POU4F1: variants seen among roughly 807,000 people sequenced by gnomAD.
The protein encoded by POU4F1 is POU class 4 homeobox 1, also known as POU domain, class 4, transcription factor 1.
A neutral mutation model predicts 19.8 loss-of-function variants in POU4F1; 5 were observed. The ratio of observed to expected loss-of-function variants is 0.25; its 90% CI spans 0.13 to 0.53. The LOEUF (loss-of-function observed/expected upper bound fraction) is 0.53, where lower values mean the gene tolerates loss of function less well. Ranked by LOEUF, POU4F1 falls within the 20% of genes least tolerant of loss-of-function variation. The pLI is 0.96. For synonymous variants in POU4F1, 266 were observed against 247.7 expected, an observed-to-expected ratio of 1.07 and a Z score of -0.69; for missense variants, 408 against 511.6, an observed-to-expected ratio of 0.80 and a Z score of 1.95.
chr13:78,599,548 G>T lies in POU4F1; in HGVS notation c.*1867C>A, dbSNP rs1276621636. ...GAAAGCTAGCCCAGTTTAGTGCTCA[G>T]TTTCAAATGCATAGAATGTTTGCCC... On this transcript the variant is annotated 3_prime_UTR_variant, in exon 2 of 2. Coordinates refer to ENST00000377208, the MANE Select transcript of POU4F1 (RefSeq NM_006237.4). 6.6e-6 allele frequency: 1 copy of T among 152,636 alleles called. No homozygotes were observed. Among genetic ancestry groups the T allele is most frequent in the Non-Finnish European group, 1.5e-5 (1 of 68,036 alleles). The allele number at this position is 152,636 out of a possible 1,614,324, so 9.5% of individuals were successfully genotyped here. A position where few individuals can be genotyped will look rare whatever the true frequency, so the allele number is the denominator to read the frequency against.
In POU4F1 at chr13:78,602,497, C is replaced by T. The variant is rs1287705991; in HGVS notation, c.178G>A (p.Ala60Thr). Residue 60 changes from alanine to threonine, a missense_variant, in exon 2 of 2, where the codon GCG (alanine) becomes ACG (threonine). Coordinates refer to ENST00000377208, the MANE Select transcript of POU4F1 (RefSeq NM_006237.4). The part of the protein sequence containing the change: ...LDETLLARAE[A>T]LAAVDIAVSQ... ...ACGGCGATGTCCACGGCCGCCAGCG[C>T]CTCGGCCCGCGCCAGCAGCGTCTCG... 1.9e-6 allele frequency: 3 copies of T among 1,594,018 alleles called. No homozygotes were observed. The highest frequency in any genetic ancestry group is 3.5e-5 in the Admixed American group (2 of 57,738).
chr13:78,602,321 G>T lies in POU4F1; in HGVS notation c.354C>A (p.Asp118Glu). The stretch of plus-strand genomic sequence containing the variant: ...GCGCGAGCGACGGCGAGGAGATGTG[G>T]TCCAGCAGATCGCCGGGTTCGAGCG... Reference protein sequence around the residue: ...HQALEPGDLLDHISSPSLALM... With the variant: ...HQALEPGDLLEHISSPSLALM... Residue 118 changes from aspartate to glutamate, a missense_variant, in exon 2 of 2, where the codon GAC (aspartate) becomes GAA (glutamate). Transcript: ENST00000377208. 1 of 1,425,356 alleles carries T rather than the reference G, an allele frequency of 7.0e-7. No homozygotes were observed. The allele number at this position is 1,425,356 out of a possible 1,614,324, so 88.3% of individuals were successfully genotyped here. A position where few individuals can be genotyped will look rare whatever the true frequency, so the allele number is the denominator to read the frequency against.
At position 78,601,284 on chromosome 13, in the gene POU4F1, C is replaced by A. The variant is rs1324814479; in HGVS notation, c.*131G>T. On this transcript the variant is annotated 3_prime_UTR_variant, in exon 2 of 2. Coordinates refer to ENST00000377208, the MANE Select transcript of POU4F1 (RefSeq NM_006237.4). ...CAGAGAATGGGTGGAGGAAAGAGAG[C>A]GAGAAGGGACTCCCCAAATGCAGGC... The A allele has an allele frequency of 2.1e-5, 30 of 1,412,718 alleles. No individual in the cohort carries two copies. In the East Asian group the frequency reaches 2.9e-4, roughly 14 times the overall value. The allele number at this position is 1,412,718 out of a possible 1,614,324, so 87.5% of individuals were successfully genotyped here.
rs544473525 is a variant in POU4F1, at chr13:78,601,678, G to A, written c.997C>T (p.Leu333Phe). The change falls in exon 2 of 2, where the codon CTC becomes TTC. Residue 333 changes from leucine (L) to phenylalanine (F), a missense_variant. By Grantham distance (22) the Leu-to-Phe change is conservative. Around this residue, in one of 4 missense-constraint regions of POU4F1, gnomAD observed 39 missense variants for 36.8 expected, o/e 1.06. Transcript: ENST00000377208. ...CGCTGGGCGCCCTCGGCCTCCTCGA[G>A]CCACGCCTGCAGGATGGGCTTGAGC... ...IALKPILQAW[L>F]EEAEGAQREK... The A allele has an allele frequency of 6.2e-7, 1 of 1,613,904 alleles. No individual in the cohort carries two copies. The highest frequency in any genetic ancestry group is 1.3e-5 in the African/African-American group (1 of 75,062).
In POU4F1 at chr13:78,599,781, G is replaced by C. The variant is rs1349898549; in HGVS notation, c.*1634C>G. The C allele has an allele frequency of 6.6e-6, 1 of 152,450 alleles. No individual in the cohort carries two copies. The highest frequency in any genetic ancestry group is 1.5e-5 in the Non-Finnish European group (1 of 68,024). 9.4% of individuals were successfully genotyped at this position (152,450 alleles called of 1,614,324 possible). A position where few individuals can be genotyped will look rare whatever the true frequency, so the allele number is the denominator to read the frequency against. On this transcript the variant is annotated 3_prime_UTR_variant, in exon 2 of 2. Transcript: ENST00000377208. ...ACCATCTCTACGAGAGATCCAAAGA[G>C]TATCTTGTACACAAAGCAGGCATTT...
rs1275375203 is a variant in POU4F1, at chr13:78,601,303, T to G, written c.*112A>C. 2.0e-6 allele frequency: 3 copies of G among 1,497,128 alleles called. No individual in the cohort carries two copies. Among genetic ancestry groups the G allele is most frequent in the Non-Finnish European group, 2.7e-6 (3 of 1,120,580 alleles). The allele number at this position is 1,497,128 out of a possible 1,614,324, so 92.7% of individuals were successfully genotyped here. On this transcript the variant is annotated 3_prime_UTR_variant, in exon 2 of 2. Coordinates refer to ENST00000377208, the MANE Select transcript of POU4F1 (RefSeq NM_006237.4). Reference sequence around the variant, plus strand: ...AGAGAGCGAGAAGGGACTCCCCAAATGCAGGCAGGATAACGGACACTCCAA... The same window carrying G: ...AGAGAGCGAGAAGGGACTCCCCAAAGGCAGGCAGGATAACGGACACTCCAA...
chr13:78,601,860 G>C lies in POU4F1; in HGVS notation c.815C>G (p.Ala272Gly), dbSNP rs1222706299. The C allele has an allele frequency of 6.3e-7, 1 of 1,599,324 alleles. No individual in the cohort carries two copies. The highest frequency in any genetic ancestry group is 1.1e-5 in the South Asian group (1 of 89,952). The stretch of plus-strand genomic sequence containing the variant: ...GATGCGCCGCTGCTTGAAGCGCTCC[G>C]CGAACGCCTCGAGCTCGCGCGGGTC... ...DTDPRELEAFAERFKQRRIKL... is the reference protein window; with the variant it reads ...DTDPRELEAFGERFKQRRIKL... Residue 272 changes from alanine (A) to glycine (G), a missense_variant, in exon 2 of 2, where the codon GCG (alanine) becomes GGG (glycine). Coordinates refer to ENST00000377208, the MANE Select transcript of POU4F1 (RefSeq NM_006237.4).
chr13:78,602,683 C>T, intron 1 of POU4F1, 132 bp from the exon 2 acceptor site: 1 of 1,043,828 alleles, frequency 9.6e-7, no homozygotes. Flanking sequence ...AAAATAACAA[C>T]GGGTTTGGGG....
intron 1 of POU4F1, 23 bp from the exon 2 acceptor site, chr13:78,602,574 CA>C (rs749531923): frequency 2.4e-5 from 34 of 1,423,242 alleles, no homozygotes; most frequent in South Asian, 3.0e-5. Context: ...CAAACCAAAC[CA>C]AAAAAACCAC....
In POU4F1 at chr13:78,603,450, C is replaced by T. The variant is rs1874795048; in HGVS notation, c.-124G>A. The T allele has an allele frequency of 7.7e-7, 1 of 1,302,944 alleles. No individual in the cohort carries two copies. Among genetic ancestry groups the T allele is most frequent in the African/African-American group, 1.6e-5 (1 of 64,164 alleles). The allele number at this position is 1,302,944 out of a possible 1,614,324, so 80.7% of individuals were successfully genotyped here. On this transcript the variant is annotated 5_prime_UTR_variant, in exon 1 of 2. Transcript: ENST00000377208. ...GCGGTCGCGGCGGCTGGCGGCGGCC[C>T]CGCCGCGGGCTGCTGCTGCTGCTCC...
chr13:78,602,246 G>GGCGCCGGCGCGC lies in POU4F1; in HGVS notation c.428_429insGCGCGCCGGCGC (p.Ala143_His144insArgAlaGlyAla). The GGCGCCGGCGCGC allele has an allele frequency of 1.0e-6, 1 of 980,264 alleles. No homozygotes were observed. The highest frequency in any genetic ancestry group is 1.8e-5 in the African/African-American group (1 of 56,338). 60.7% of individuals were successfully genotyped at this position (980,264 alleles called of 1,614,324 possible). A position where few individuals can be genotyped will look rare whatever the true frequency, so the allele number is the denominator to read the frequency against. On this transcript the variant is annotated inframe_insertion, in exon 2 of 2. Transcript: ENST00000377208. Reference sequence around the variant, plus strand: ...CGCCACCGCCCCCCGGGCCGTCGTGGGCGCCGCCGCCGCCGGCCGCCGCGC... The same window carrying GGCGCCGGCGCGC: ...CGCCACCGCCCCCCGGGCCGTCGTGGGCGCCGGCGCGCGCGCCGCCGCCGCCGGCCGCCGCGC...
chr13:78,602,826 G>C (rs1295204462), intron 1 of POU4F1, among the ~76,000 whole-genome samples: 2 of 152,078 alleles, frequency 1.3e-5, no homozygotes, highest in African/African-American at 2.4e-5. Flanking sequence ...TTCCGGAAAC[G>C]GGCGTGGGAG....
At position 78,601,357 on chromosome 13, in the gene POU4F1, C is replaced by T. The variant is rs1462043126; in HGVS notation, c.*58G>A. 1.2e-6 allele frequency: 2 copies of T among 1,605,424 alleles called. No homozygotes were observed. Among genetic ancestry groups the T allele is most frequent in the Non-Finnish European group, 1.7e-6 (2 of 1,176,776 alleles). ...CGAGGGGAGGCAAGCAGAGGAAAGC[C>T]CCCCAAAAATGCCTCCTCAGCTCCC... On this transcript the variant is annotated 3_prime_UTR_variant, in exon 2 of 2. Transcript: ENST00000377208.
chr13:78,601,299 C>T lies in POU4F1; in HGVS notation c.*116G>A. 2 of 1,485,776 alleles carry T rather than the reference C, an allele frequency of 1.3e-6. No homozygotes were observed. Among genetic ancestry groups the T allele is most frequent in the South Asian group, 1.3e-5 (1 of 75,442 alleles). The allele number at this position is 1,485,776 out of a possible 1,614,324, so 92.0% of individuals were successfully genotyped here. ...GGAAAGAGAGCGAGAAGGGACTCCC[C>T]AAATGCAGGCAGGATAACGGACACT... On this transcript the variant is annotated 3_prime_UTR_variant, in exon 2 of 2. Coordinates refer to ENST00000377208, the MANE Select transcript of POU4F1 (RefSeq NM_006237.4).
intron 1 of POU4F1, 91 bp downstream of exon 1, chr13:78,603,113 G>T: frequency 9.4e-7 from 1 of 1,060,542 alleles, no homozygotes; most frequent in Non-Finnish European, 1.2e-6. Flanking sequence ...CCCCGCACCG[G>T]GACCTGCACA....
rs2137403294 is a variant in POU4F1 at position 78,602,041 on chromosome 13, A to C, written c.634T>G (p.Ser212Ala). The change falls in exon 2 of 2, where the codon TCC (serine) becomes GCC (alanine). Residue 212 changes from serine to alanine, a missense_variant. This residue lies in a region of POU4F1 where 294 missense variants were observed against 288.2 expected (regional missense o/e 1.02). Coordinates refer to ENST00000377208, the MANE Select transcript of POU4F1 (RefSeq NM_006237.4). ...PAAAAAMNMP[S>A]GLPHPGLVAA... ...ACCAGCCCGGGGTGCGGCAGCCCGG[A>C]CGGCATGTTCATGGCGGCCGCCGCC... The C allele has an allele frequency of 1.7e-6, 1 of 590,704 alleles. No individual in the cohort carries two copies. Among genetic ancestry groups the C allele is most frequent in the Non-Finnish European group, 2.1e-6 (1 of 475,508 alleles). 36.6% of individuals were successfully genotyped at this position (590,704 alleles called of 1,614,324 possible).
In POU4F1 at chr13:78,603,185, G is replaced by A. The variant is rs375244350; in HGVS notation, c.123+19C>T. On this transcript the variant is annotated intron_variant, in intron 1 of 1. Transcript: ENST00000377208. The stretch of plus-strand genomic sequence containing the variant: ...AGGGGCGGGCGCGCGGGCCGGGGCC[G>A]CGGGCGTGGGGCGCTTACCGGCGGC... 341 of 1,434,022 alleles carry A rather than the reference G, an allele frequency of 2.4e-4. 6 individuals are homozygous for A. The African/African-American group carries it at 4.2e-3, about 18-fold the overall frequency. The allele number at this position is 1,434,022 out of a possible 1,614,324, so 88.8% of individuals were successfully genotyped here.
Position 78,602,483 on chromosome 13 carries a change from C to T in POU4F1, c.192G>A (p.Val64=), listed in dbSNP as rs74097352. Residue 64 remains valine, a synonymous_variant, in exon 2 of 2, where the codon GTG becomes GTA. Transcript: ENST00000377208. ...LLARAEALAA[V]DIAVSQGKSH... ...TCTTGCCCTGGGACACGGCGATGTC[C>T]ACGGCCGCCAGCGCCTCGGCCCGCG... 1.6e-3 allele frequency: 2,590 copies of T among 1,596,970 alleles called. 39 individuals carry two copies. The African/African-American group carries it at 0.032, about 20-fold the overall frequency.
At chr13:78,603,127 C>T (rs1446400697) in intron 1 of POU4F1, 77 bp downstream of exon 1, 1 of 1,189,196 alleles carries the variant, frequency 8.4e-7, no homozygotes, top group Non-Finnish European at 1.1e-6. Flanking sequence ...CTGCACACAC[C>T]AGCCCCCGAC....
Sources: gnomAD v4.1 joint callset for allele counts (sites outside exome capture counted in the v4.1 genomes callset) on GRCh38, gnomAD v4.1.1 for gene constraint, gnomAD v4.1.1 regional missense constraint, MANE v1.5 for transcripts, NCBI Gene and HGNC (gene_info 2026-07-23, HGNC 2026-07-21) for gene names.